B3GALNT2: variants seen among roughly 807,000 people sequenced by gnomAD.
The protein encoded by B3GALNT2 is beta-1,3-N-acetylgalactosaminyltransferase 2.
B3GALNT2 carries 53 observed loss-of-function variants against 61.1 expected under a neutral mutation model. That is an observed-to-expected ratio of 0.87 (90% confidence interval 0.70 to 1.09). The LOEUF is 1.09. B3GALNT2 is among the 50% of genes least tolerant of loss of function. The probability of loss-of-function intolerance (pLI) is 0.00; values close to 1 mark genes in which losing one functional copy is unlikely to be tolerated. For missense variants in B3GALNT2, 544 were observed against 623.0 expected, an observed-to-expected ratio of 0.87 and a Z score of 1.35; for synonymous variants, 223 against 237.4, an observed-to-expected ratio of 0.94 and a Z score of 0.56.
intron 7 of B3GALNT2, among the ~76,000 whole-genome samples, chr1:235,459,966 G>C (rs749841972): frequency 6.6e-6 from 1 of 151,864 alleles, no homozygotes; most frequent in African/African-American, 2.4e-5. Context: ...GCTAATTTTT[G>C]TATTTTTAGT....
chr1:235,441,763 A>T, the B3GALNT2 span: 2 of 1,537,272 alleles, frequency 1.3e-6, no homozygotes, highest in Non-Finnish European at 1.8e-6. Flanking sequence ...TTTTGTTTTT[A>T]CTTATAGTGG....
At chr1:235,489,128 T>G (rs1302318844) in intron 3 of B3GALNT2, 40 bp downstream of exon 3, 1 of 1,607,332 alleles carries the variant, frequency 6.2e-7, no homozygotes, top group Non-Finnish European at 8.5e-7. Context: ...TTACTCAACA[T>G]CAAGCTTGTG....
intron 1 of B3GALNT2, among the ~76,000 whole-genome samples, chr1:235,495,416 T>C (rs1431035109): frequency 1.3e-5 from 2 of 152,194 alleles, no homozygotes; most frequent in Non-Finnish European, 2.9e-5. Flanking sequence ...CGGATGACGC[T>C]GAAGGACTTC....
In B3GALNT2 at chr1:235,450,149, G is replaced by A; in HGVS notation, c.*57C>T. 6.3e-7 allele frequency: 1 copy of A among 1,598,420 alleles called. No individual in the cohort carries two copies. Among genetic ancestry groups the A allele is most frequent in the Non-Finnish European group, 8.6e-7 (1 of 1,166,998 alleles). Reference sequence around the variant, plus strand: ...CTAAACCCTGGGACTCCTCAGACTTGCACTCAGATTATCGTTTGCCTGCCC... The same window carrying A: ...CTAAACCCTGGGACTCCTCAGACTTACACTCAGATTATCGTTTGCCTGCCC... On this transcript the variant is annotated 3_prime_UTR_variant, in exon 12 of 12. Transcript: ENST00000366600.
intron 5 of B3GALNT2, among the ~76,000 whole-genome samples, chr1:235,477,890 T>C (rs1428803120): frequency 6.6e-6 from 1 of 152,198 alleles, no homozygotes; most frequent in African/African-American, 2.4e-5. Flanking sequence ...CTAAGCAGTC[T>C]ACGTGTGTTA....
At chr1:235,487,162 CAAA>C (rs79026091) in intron 3 of B3GALNT2, among the ~76,000 whole-genome samples, 4 of 127,192 alleles carry the variant, frequency 3.1e-5, no homozygotes, top group Admixed American at 7.8e-5. Flanking sequence ...ACTCTGTCTC[CAAA>C]AAAAAAAAAA....
intron 1 of B3GALNT2, among the ~76,000 whole-genome samples, chr1:235,502,766 T>C (rs1685640000): frequency 6.6e-6 from 1 of 152,224 alleles, no homozygotes; most frequent in Non-Finnish European, 1.5e-5. Flanking sequence ...ACAGACTTAA[T>C]GACGCTCTAC....
At chr1:235,486,960 G>A (rs1447438336) in intron 3 of B3GALNT2, among the ~76,000 whole-genome samples, 2 of 152,056 alleles carry the variant, frequency 1.3e-5, no homozygotes, top group Non-Finnish European at 2.9e-5. Flanking sequence ...CGTGAGGTCA[G>A]GAGTTTGAGA....
intron 7 of B3GALNT2, among the ~76,000 whole-genome samples, chr1:235,462,839 AT>A (rs1460693393): frequency 2.6e-5 from 4 of 152,216 alleles, no homozygotes; most frequent in Non-Finnish European, 5.9e-5. Flanking sequence ...CAGTGTGGAG[AT>A]TCCTTGAAGA....
At position 235,480,132 on chromosome 1, in the gene B3GALNT2, A is replaced by T; in HGVS notation, c.573T>A (p.Ala191=). ...CACCACAGCTTGGAGGACTGAAGCG[A>T]GCAATGAAGAGGGCCTCCTACAAAT... ...QAEQEEALFI[A]RFSPPSCGVQ... The change falls in exon 5 of 12, where the codon GCT becomes GCA. Residue 191 remains alanine, a synonymous_variant. Transcript: ENST00000366600. 1 of 1,613,872 alleles carries T rather than the reference A, an allele frequency of 6.2e-7. No homozygotes were observed.
intron 8 of B3GALNT2, among the ~76,000 whole-genome samples, chr1:235,455,976 T>A (rs953797129): frequency 6.6e-6 from 1 of 152,184 alleles, no homozygotes; most frequent in African/African-American, 2.4e-5. Context: ...TTCAAACAAA[T>A]GCTTCTTAGG....
downstream of B3GALNT2, among the ~76,000 whole-genome samples, chr1:235,445,665 A>C (rs1009535856): frequency 6.6e-6 from 1 of 152,036 alleles, no homozygotes; most frequent in Non-Finnish European, 1.5e-5. Context: ...CAAAACTGCA[A>C]TATCTTTTTT....
At chr1:235,469,339 A>C (rs546664013) in intron 6 of B3GALNT2, among the ~76,000 whole-genome samples, 1 of 152,312 alleles carries the variant, frequency 6.6e-6, no homozygotes, top group South Asian at 2.1e-4. Flanking sequence ...GAGGAGAATA[A>C]AAGATTGTCT....
chr1:235,450,176 G>C lies in B3GALNT2; in HGVS notation c.*30C>G. ...ACTCAGATTATCGTTTGCCTGCCCT[G>C]ATTTTAGACTCTGCTAATTCAAGTC... is the stretch of plus-strand genomic sequence containing the variant. On this transcript the variant is annotated 3_prime_UTR_variant, in exon 12 of 12. Transcript: ENST00000366600. 1 of 1,613,458 alleles carries C rather than the reference G, an allele frequency of 6.2e-7. No homozygotes were observed. The highest frequency in any genetic ancestry group is 8.5e-7 in the Non-Finnish European group (1 of 1,179,526).
chr1:235,466,331 A>G (rs1413952279), intron 6 of B3GALNT2, among the ~76,000 whole-genome samples: 5 of 150,876 alleles, frequency 3.3e-5, no homozygotes. Context: ...AGCCTCCCAC[A>G]GTGCTGGGAT....
intron 3 of B3GALNT2, among the ~76,000 whole-genome samples, chr1:235,487,517 T>A (rs1684860861): frequency 6.6e-6 from 1 of 152,062 alleles, no homozygotes. Flanking sequence ...GCAGAGGAGG[T>A]CACACAGCTA....
At chr1:235,496,325 A>G in intron 1 of B3GALNT2, 1 of 1,026,540 alleles carries the variant, frequency 9.7e-7, no homozygotes, top group Non-Finnish European at 1.2e-6. Flanking sequence ...AAAAAAAAAA[A>G]GTTCCATTCC....
chr1:235,464,463 C>T (rs375909201), intron 7 of B3GALNT2: 48 of 148,890 alleles, frequency 3.2e-4, no homozygotes, highest in African/African-American at 1.2e-3. Flanking sequence ...CTCCCTCTCT[C>T]CACCCCTTCC....
intron 5 of B3GALNT2, among the ~76,000 whole-genome samples, chr1:235,471,548 T>A (rs1197141064): frequency 4.6e-5 from 7 of 152,232 alleles, no homozygotes; most frequent in Non-Finnish European, 1.0e-4. Context: ...TATAGGGTTA[T>A]CAGCAATGTA....
Sources: gnomAD v4.1 joint callset for allele counts (sites outside exome capture counted in the v4.1 genomes callset) on GRCh38, gnomAD v4.1.1 for gene constraint, MANE v1.5 for transcripts, NCBI Gene and HGNC (gene_info 2026-07-23, HGNC 2026-07-21) for gene names.